The following WSCD2 variants were observed in gnomAD, a reference collection of about 807,000 sequenced individuals.
WSCD2 encodes WSC domain sialate O sulfotransferase 2.
WSCD2 carries 28 observed loss-of-function variants against 55.7 expected under a neutral mutation model. That is an observed-to-expected ratio of 0.50 (90% CI 0.37 to 0.69). The LOEUF (loss-of-function observed/expected upper bound fraction) is 0.69. WSCD2 is among the 30% of genes least tolerant of loss of function. The pLI, the probability that WSCD2 is intolerant of heterozygous loss-of-function variation, is 0.00. For missense variants in WSCD2, 616 were observed against 762.1 expected (o/e 0.81, Z 2.26); for synonymous variants, 301 against 301.9 (o/e 1.00, Z 0.03).
intron 5 of WSCD2, among the ~76,000 whole-genome samples, 152 bp from the exon 6 acceptor site, chr12:108,226,837 AG>A (rs1441948946): frequency 6.6e-6 from 1 of 152,246 alleles, no homozygotes; most frequent in African/African-American, 2.4e-5. Flanking sequence ...TCACAAAAGC[AG>A]GGTTTGTGGA....
At chr12:108,133,540 C>T (rs548840178) in intron 1 of WSCD2, among the ~76,000 whole-genome samples, 1 of 152,200 alleles carries the variant, frequency 6.6e-6, no homozygotes, top group East Asian at 1.9e-4. Context: ...GTGAACATAC[C>T]TGTGAGCTTC....
At chr12:108,177,357 C>T (rs891740844) in intron 1 of WSCD2, among the ~76,000 whole-genome samples, 8 of 152,042 alleles carry the variant, frequency 5.3e-5, no homozygotes, top group East Asian at 1.9e-4. Context: ...TGTTAGAAGT[C>T]GCCGTGATTA....
intron 3 of WSCD2, among the ~76,000 whole-genome samples, chr12:108,209,416 C>A (rs1565967119): frequency 6.6e-6 from 1 of 151,936 alleles, no homozygotes; most frequent in Non-Finnish European, 1.5e-5. Flanking sequence ...ATGAATGTCT[C>A]AGGTTTCCAG....
intron 1 of WSCD2, among the ~76,000 whole-genome samples, chr12:108,150,175 T>C (rs925029877): frequency 2.0e-5 from 3 of 152,080 alleles, no homozygotes; most frequent in Non-Finnish European, 4.4e-5. Flanking sequence ...CTCTGAGAGG[T>C]GCGGGGGTTT....
At position 108,206,960 on chromosome 12, in the gene WSCD2, G is replaced by A. The variant is rs183615507; in HGVS notation, c.497+557G>A. 2.0e-5 allele frequency among the ~76,000 whole-genome samples: 3 copies of A among 152,316 alleles called. No individual in the cohort carries two copies. In the East Asian group the frequency reaches 5.8e-4, roughly 29 times the overall value. On this transcript the variant is annotated intron_variant, in intron 3 of 8. Coordinates refer to ENST00000547525, the MANE Select transcript of WSCD2 (RefSeq NM_014653.4). ...ATGTCCAAATGAAGGGTAAGGTGAAGGTATCTAATAGTTTCTCAATATATA... is the reference window on the plus strand; with the variant it reads ...ATGTCCAAATGAAGGGTAAGGTGAAAGTATCTAATAGTTTCTCAATATATA...
chr12:108,138,916 T>C (rs926944886), intron 1 of WSCD2, among the ~76,000 whole-genome samples: 1 of 152,214 alleles, frequency 6.6e-6, no homozygotes, highest in Admixed American at 6.5e-5. Flanking sequence ...TGGGTAGCAA[T>C]GCCCCCTGGG....
At position 108,240,498 on chromosome 12, in the gene WSCD2, C is replaced by T. The variant is rs1889641519; in HGVS notation, c.1299C>T (p.Tyr433=). 2 of 1,514,538 alleles carry T rather than the reference C, an allele frequency of 1.3e-6. No homozygotes were observed. Among genetic ancestry groups the T allele is most frequent in the South Asian group, 1.1e-5 (1 of 89,850 alleles). 93.8% of individuals were successfully genotyped at this position (1,514,538 alleles called of 1,614,324 possible). The part of the protein sequence containing the change: ...KALMAEFNRK[Y]GGHIGFAAHA... Reference sequence around the variant, plus strand: ...TCATGGCTGAGTTCAACCGCAAGTACGGCGGCCACATAGGCTTTGCTGCGC... The same window carrying T: ...TCATGGCTGAGTTCAACCGCAAGTATGGCGGCCACATAGGCTTTGCTGCGC... The change falls in exon 8 of 9, where the codon TAC becomes TAT. Residue 433 remains tyrosine (Y), a synonymous_variant. Transcript: ENST00000547525.
At chr12:108,156,247 T>C (rs1363278434) in intron 1 of WSCD2, among the ~76,000 whole-genome samples, 1 of 152,206 alleles carries the variant, frequency 6.6e-6, no homozygotes, top group East Asian at 1.9e-4. Flanking sequence ...GTCCGTGTCC[T>C]GGCCCCACCA....
intron 1 of WSCD2, among the ~76,000 whole-genome samples, chr12:108,138,937 A>G (rs1283975230): frequency 6.6e-6 from 1 of 152,202 alleles, no homozygotes; most frequent in African/African-American, 2.4e-5. Context: ...AGGACAGAGG[A>G]GACACCTGGG....
intron 1 of WSCD2, among the ~76,000 whole-genome samples, chr12:108,143,919 C>A (rs775826474): frequency 6.6e-6 from 1 of 152,162 alleles, no homozygotes; most frequent in Non-Finnish European, 1.5e-5. Context: ...CAGGTGGGTC[C>A]CATAGGCATG....
chr12:108,230,248 T>C (rs1888601400), intron 6 of WSCD2, among the ~76,000 whole-genome samples: 1 of 152,212 alleles, frequency 6.6e-6, no homozygotes, highest in East Asian at 1.9e-4. Context: ...CTTTTTGCAG[T>C]GTATTCCAAT....
At chr12:108,217,305 A>G (rs185637221) in intron 4 of WSCD2, among the ~76,000 whole-genome samples, 75 of 152,300 alleles carry the variant, frequency 4.9e-4, no homozygotes, top group African/African-American at 1.7e-3. Context: ...TCTTTATACC[A>G]CAGGAGAGTG....
At chr12:108,182,101 A>G (rs1451918393) in intron 1 of WSCD2, among the ~76,000 whole-genome samples, 1 of 152,216 alleles carries the variant, frequency 6.6e-6, no homozygotes, top group Non-Finnish European at 1.5e-5. Flanking sequence ...ATTATGGAAA[A>G]CAGAAACACA....
At chr12:108,229,057 G>C (rs1888449706) in intron 6 of WSCD2, among the ~76,000 whole-genome samples, 1 of 152,156 alleles carries the variant, frequency 6.6e-6, no homozygotes, top group South Asian at 2.1e-4. Context: ...TGATGAATTT[G>C]CTCATTCCCA....
intron 1 of WSCD2, among the ~76,000 whole-genome samples, chr12:108,145,386 A>C (rs1877279061): frequency 6.6e-6 from 1 of 152,016 alleles, no homozygotes; most frequent in East Asian, 1.9e-4. Flanking sequence ...CAACCCCTCT[A>C]CCGGACTGTC....
chr12:108,184,748 G>A (rs1363404890), intron 1 of WSCD2, among the ~76,000 whole-genome samples: 1 of 152,212 alleles, frequency 6.6e-6, no homozygotes, highest in Non-Finnish European at 1.5e-5. Context: ...CTTGGTAATA[G>A]CTAAAAAGTA....
intron 4 of WSCD2, among the ~76,000 whole-genome samples, chr12:108,216,853 G>A (rs1466037412): frequency 6.6e-6 from 1 of 152,200 alleles, no homozygotes. Flanking sequence ...ACCCTGGCAG[G>A]CCCAGCCTGT....
At chr12:108,233,037 C>A in intron 7 of WSCD2, 142 bp downstream of exon 7, 1 of 1,136,144 alleles carries the variant, frequency 8.8e-7, no homozygotes, top group Non-Finnish European at 1.2e-6. Context: ...AGACTCACTG[C>A]ATGCTTGGTA....
intron 1 of WSCD2, among the ~76,000 whole-genome samples, chr12:108,168,533 CACTT>C (rs3045794): frequency 0.64 from 97,679 of 151,630 alleles, 34,146 homozygotes; most frequent in East Asian, 0.91. Flanking sequence ...CTAGTTATTC[CACTT>C]ACTTACTGAA....
Sources: allele counts gnomAD v4.1 joint callset (sites outside exome capture counted in the v4.1 genomes callset), GRCh38; gene constraint gnomAD v4.1.1; transcripts MANE v1.5; gene names NCBI Gene and HGNC (gene_info 2026-07-23, HGNC 2026-07-21).